LINGO2: variants seen among roughly 807,000 people sequenced by gnomAD.
LINGO2 encodes leucine rich repeat and Ig domain containing 2.
A neutral mutation model predicts 30.6 loss-of-function variants in LINGO2; 14 were observed. The observed-to-expected ratio is 0.46, with a 90% confidence interval of 0.30 to 0.72. The LOEUF (loss-of-function observed/expected upper bound fraction) is 0.72. Among genes scored for constraint, LINGO2 ranks in the 30% least tolerant of loss-of-function variants. LINGO2 has a pLI of 0.07. For synonymous variants in LINGO2, 317 were observed against 288.5 expected (o/e 1.10, Z -1.00); for missense variants, 729 against 751.7 (o/e 0.97, Z 0.35).
chr9:29,057,287 T>C, the LINGO2 span, among the ~76,000 whole-genome samples: 2 of 152,126 alleles, frequency 1.3e-5, no homozygotes, highest in Non-Finnish European at 2.9e-5. Flanking sequence ...AACTCTAATT[T>C]TGATAATGTA....
chr9:28,744,791 C>T, the LINGO2 span, among the ~76,000 whole-genome samples: 1 of 151,646 alleles, frequency 6.6e-6, no homozygotes, highest in Non-Finnish European at 1.5e-5. Flanking sequence ...TGCGTGCCAC[C>T]ATGCCCAGCT....
intron 4 of LINGO2, among the ~76,000 whole-genome samples, chr9:28,221,415 T>A (rs1043630317): frequency 1.3e-5 from 2 of 151,808 alleles, no homozygotes; most frequent in African/African-American, 4.8e-5. Context: ...TTATTACACA[T>A]GTATGTATAC....
the LINGO2 span, among the ~76,000 whole-genome samples, chr9:29,071,073 C>A: frequency 6.7e-6 from 1 of 150,060 alleles, no homozygotes; most frequent in Admixed American, 6.7e-5. Flanking sequence ...CATATTATAT[C>A]TAAATATATA....
At chr9:28,343,157 C>T (rs745988377) in intron 3 of LINGO2, among the ~76,000 whole-genome samples, 1 of 152,134 alleles carries the variant, frequency 6.6e-6, no homozygotes, top group South Asian at 2.1e-4. Context: ...TAAGTGTTGT[C>T]TGTTTAGAAA....
At chr9:28,371,328 T>C (rs572187623) in intron 3 of LINGO2, among the ~76,000 whole-genome samples, 4 of 152,268 alleles carry the variant, frequency 2.6e-5, no homozygotes, top group African/African-American at 4.8e-5. Flanking sequence ...ATTTAGTGCA[T>C]TGAAACAACA....
chr9:27,958,666 A>C (rs897310111), intron 5 of LINGO2, among the ~76,000 whole-genome samples: 3 of 152,122 alleles, frequency 2.0e-5, no homozygotes, highest in Non-Finnish European at 4.4e-5. Flanking sequence ...AAACTTTATC[A>C]TAGGTGTGTA....
At chr9:28,423,755 G>A (rs2134895104) in intron 2 of LINGO2, among the ~76,000 whole-genome samples, 1 of 152,202 alleles carries the variant, frequency 6.6e-6, no homozygotes, top group African/African-American at 2.4e-5. Context: ...TAACCAAAAT[G>A]TAAGTGCTTA....
intron 3 of LINGO2, among the ~76,000 whole-genome samples, chr9:28,318,122 C>T (rs1426114176): frequency 2.0e-5 from 3 of 152,142 alleles, no homozygotes; most frequent in South Asian, 2.1e-4. Context: ...TAATATCAGG[C>T]TACAATTGGA....
intron 4 of LINGO2, among the ~76,000 whole-genome samples, chr9:28,213,906 G>T (rs1820678550): frequency 6.6e-6 from 1 of 151,394 alleles, no homozygotes; most frequent in Admixed American, 6.6e-5. Context: ...AGTACGCAGT[G>T]TTCCCTAATT....
the LINGO2 span, among the ~76,000 whole-genome samples, chr9:29,057,269 T>C: frequency 6.6e-6 from 1 of 152,154 alleles, no homozygotes; most frequent in Non-Finnish European, 1.5e-5. Flanking sequence ...AAATTATGTA[T>C]TAAAATAAAC....
chr9:28,553,376 T>A (rs894263260), intron 1 of LINGO2, among the ~76,000 whole-genome samples: 6 of 151,944 alleles, frequency 3.9e-5, no homozygotes, highest in Non-Finnish European at 7.4e-5. Context: ...GCCGATGTGA[T>A]CAATTGGAAG....
At chr9:29,095,390 G>C in the LINGO2 span, among the ~76,000 whole-genome samples, 2 of 137,360 alleles carry the variant, frequency 1.5e-5, 1 homozygote, top group Admixed American at 1.5e-4. Flanking sequence ...CTGCCTAAAA[G>C]CTGACAGCTG....
At chr9:28,514,143 T>A (rs1372864054) in intron 1 of LINGO2, among the ~76,000 whole-genome samples, 1 of 152,198 alleles carries the variant, frequency 6.6e-6, no homozygotes, top group Non-Finnish European at 1.5e-5. Flanking sequence ...AATAAATGTG[T>A]GTCTTTTGGC....
chr9:28,694,140 C>T, the LINGO2 span, among the ~76,000 whole-genome samples: 1 of 151,208 alleles, frequency 6.6e-6, no homozygotes, highest in African/African-American at 2.4e-5. Flanking sequence ...AAAAAAAAAT[C>T]ATTTGTGAGA....
the LINGO2 span, among the ~76,000 whole-genome samples, chr9:29,000,051 T>G: frequency 6.6e-6 from 1 of 152,034 alleles, no homozygotes; most frequent in Admixed American, 6.6e-5. Context: ...AACAGTGATT[T>G]TGTTTACATC....
the LINGO2 span, among the ~76,000 whole-genome samples, chr9:29,130,769 T>C: frequency 6.6e-6 from 1 of 151,990 alleles, no homozygotes; most frequent in Non-Finnish European, 1.5e-5. Context: ...TGTTAAAACA[T>C]GGAAGGAGGG....
chr9:28,086,777 C>T (rs1304833286), intron 4 of LINGO2, among the ~76,000 whole-genome samples: 2 of 152,062 alleles, frequency 1.3e-5, no homozygotes, highest in African/African-American at 4.8e-5. Context: ...AACAGAGTCA[C>T]TCTTTTTATT....
At chr9:28,341,101 A>G (rs977716768) in intron 3 of LINGO2, among the ~76,000 whole-genome samples, 12 of 152,154 alleles carry the variant, frequency 7.9e-5, no homozygotes, top group African/African-American at 2.7e-4. Flanking sequence ...GAACAAAGAA[A>G]GTTGACTAAG....
intron 1 of LINGO2, among the ~76,000 whole-genome samples, chr9:28,641,557 G>A (rs1007528622): frequency 2.0e-5 from 3 of 152,126 alleles, no homozygotes; most frequent in African/African-American, 7.2e-5. Flanking sequence ...CATAGATTGA[G>A]CAATTGACTT....
Sources: allele counts gnomAD v4.1 joint callset (sites outside exome capture counted in the v4.1 genomes callset), GRCh38; gene constraint gnomAD v4.1.1; transcripts MANE v1.5; gene names NCBI Gene and HGNC (gene_info 2026-07-23, HGNC 2026-07-21).